Variants in LRRC37A2 observed in about 807,000 individuals in gnomAD.
The protein encoded by LRRC37A2 is leucine-rich repeat-containing protein 37A2.
In LRRC37A2, 9 loss-of-function variants were observed where a neutral mutation model predicts 68.8. That is an observed-to-expected ratio of 0.13 (90% CI 0.08 to 0.23). LRRC37A2 has a LOEUF of 0.23. Among genes scored for constraint, LRRC37A2 ranks in the 10% least tolerant of loss-of-function variants. The pLI, the probability that LRRC37A2 is intolerant of heterozygous loss-of-function variation, is 1.00. For synonymous variants in LRRC37A2, 63 were observed against 367.6 expected (o/e 0.17, Z 9.48); for missense variants, 168 against 950.4 (o/e 0.18, Z 10.82).
chr17:46,991,365 G>A, the LRRC37A2 span, among the ~76,000 whole-genome samples: 3 of 152,256 alleles, frequency 2.0e-5, no homozygotes, highest in Admixed American at 2.0e-4. Flanking sequence ...GGTGGTTCAC[G>A]CCTGTAATCC....
the LRRC37A2 span, among the ~76,000 whole-genome samples, chr17:46,490,723 C>CAA: frequency 7.0e-5 from 5 of 71,406 alleles, no homozygotes; most frequent in Admixed American, 1.6e-4. Flanking sequence ...GACTTCATCT[C>CAA]AAAAAAAAAA....
the LRRC37A2 span, among the ~76,000 whole-genome samples, chr17:46,805,502 G>A: frequency 1.3e-5 from 2 of 152,168 alleles, no homozygotes; most frequent in Non-Finnish European, 2.9e-5. Flanking sequence ...GAACCGGGGA[G>A]GTGGAGGTTG....
the LRRC37A2 span, among the ~76,000 whole-genome samples, chr17:46,784,320 G>A: frequency 6.6e-6 from 1 of 152,186 alleles, no homozygotes; most frequent in African/African-American, 2.4e-5. Flanking sequence ...GAGGAAGTGC[G>A]TGGGGCCAGA....
chr17:46,872,506 G>A, the LRRC37A2 span: 84 of 1,465,190 alleles, frequency 5.7e-5, no homozygotes, highest in Non-Finnish European at 7.0e-5. Flanking sequence ...CCCTCCTCTC[G>A]CTCTCTCTAG....
chr17:46,828,172 T>C, the LRRC37A2 span, among the ~76,000 whole-genome samples: 2 of 151,902 alleles, frequency 1.3e-5, no homozygotes, highest in East Asian at 3.9e-4. Flanking sequence ...TCTCTGTCTC[T>C]CTCTTTTTTT....
chr17:46,741,665 T>G, the LRRC37A2 span, among the ~76,000 whole-genome samples: 1 of 152,202 alleles, frequency 6.6e-6, no homozygotes, highest in African/African-American at 2.4e-5. Flanking sequence ...GCCCAATTCC[T>G]CTCCCTTCAC....
the LRRC37A2 span, among the ~76,000 whole-genome samples, chr17:47,006,223 G>A: frequency 6.6e-6 from 1 of 152,056 alleles, no homozygotes; most frequent in African/African-American, 2.4e-5. Context: ...ATTTACAGAA[G>A]CATATTTTCC....
chr17:46,912,422 A>T, the LRRC37A2 span, among the ~76,000 whole-genome samples: 1 of 152,174 alleles, frequency 6.6e-6, no homozygotes, highest in African/African-American at 2.4e-5. Flanking sequence ...AGTCAGTGAT[A>T]AGTGGGGCTT....
the LRRC37A2 span, chr17:46,932,459 T>C: frequency 2.3e-5 from 14 of 599,464 alleles, no homozygotes; most frequent in African/African-American, 5.6e-5. Flanking sequence ...CTGGTTGGGC[T>C]GGTCTGAGAC....
chr17:46,774,977 G>A, the LRRC37A2 span, among the ~76,000 whole-genome samples: 1 of 152,180 alleles, frequency 6.6e-6, no homozygotes, highest in Non-Finnish European at 1.5e-5. Flanking sequence ...CACTGACCAA[G>A]GCTTTGGTCC....
the LRRC37A2 span, among the ~76,000 whole-genome samples, chr17:46,787,790 A>G: frequency 1.3e-5 from 2 of 152,182 alleles, no homozygotes; most frequent in African/African-American, 2.4e-5. Flanking sequence ...GCCTGTCTCT[A>G]CTAAAAACAG....
the LRRC37A2 span, among the ~76,000 whole-genome samples, chr17:46,836,671 A>ATTTTATCATTTTATC: frequency 6.6e-6 from 1 of 152,336 alleles, no homozygotes; most frequent in East Asian, 1.9e-4. Context: ...GATAAAATGA[A>ATTTTATCATTTTATC]ACCCACTGTG....
At chr17:46,859,961 T>C in the LRRC37A2 span, among the ~76,000 whole-genome samples, 2 of 152,236 alleles carry the variant, frequency 1.3e-5, no homozygotes, top group Admixed American at 1.3e-4. Flanking sequence ...ATTGTTTTTA[T>C]TTTTAATAAA....
chr17:47,017,201 C>T, the LRRC37A2 span: 35 of 1,611,660 alleles, frequency 2.2e-5, no homozygotes, highest in Non-Finnish European at 2.6e-5. Context: ...GAATGACTTC[C>T]GCTCAGTGCC....
chr17:46,872,383 G>T, the LRRC37A2 span: 4 of 1,331,678 alleles, frequency 3.0e-6, no homozygotes, highest in Non-Finnish European at 3.9e-6. Context: ...GTAAAATGGG[G>T]ACGGGACCTC....
chr17:46,893,791 C>G, the LRRC37A2 span, among the ~76,000 whole-genome samples: 1 of 152,134 alleles, frequency 6.6e-6, no homozygotes, highest in Admixed American at 6.5e-5. Context: ...AAGCAAAGAG[C>G]CCAATTCATT....
the LRRC37A2 span, among the ~76,000 whole-genome samples, chr17:46,965,814 A>G: frequency 7.1e-6 from 1 of 141,498 alleles, no homozygotes; most frequent in South Asian, 2.3e-4. Flanking sequence ...TTTTTTTTGT[A>G]GAGGCGGGGT....
the LRRC37A2 span, among the ~76,000 whole-genome samples, chr17:46,725,676 T>C: frequency 6.6e-6 from 1 of 152,140 alleles, no homozygotes; most frequent in Non-Finnish European, 1.5e-5. Flanking sequence ...AAGGAATATA[T>C]GCCATTCCAA....
the LRRC37A2 span, among the ~76,000 whole-genome samples, chr17:46,913,758 CT>C: frequency 2.0e-5 from 3 of 152,218 alleles, no homozygotes; most frequent in East Asian, 5.8e-4. Flanking sequence ...TCATTTTTTA[CT>C]TTTTTATTTT....
Sources: gnomAD v4.1 joint callset for allele counts (sites outside exome capture counted in the v4.1 genomes callset) on GRCh38, gnomAD v4.1.1 for gene constraint, MANE v1.5 for transcripts, NCBI Gene and HGNC (gene_info 2026-07-23, HGNC 2026-07-21) for gene names.